Variants in BAIAP2 observed in about 807,000 individuals in gnomAD.
BAIAP2 encodes the protein BAR/IMD domain containing adaptor protein 2.
In BAIAP2, 18 loss-of-function variants were observed where a neutral mutation model predicts 63.0. That is an observed-to-expected ratio of 0.29 (90% CI 0.20 to 0.42). The LOEUF (loss-of-function observed/expected upper bound fraction) is 0.42. Ranked by LOEUF, BAIAP2 falls within the 10% of genes least tolerant of loss-of-function variation. BAIAP2 has a pLI of 1.00. For synonymous variants in BAIAP2, 386 were observed against 307.6 expected, an observed-to-expected ratio of 1.25 and a Z score of -2.67; for missense variants, 610 against 734.3, an observed-to-expected ratio of 0.83 and a Z score of 1.96.
At chr17:81,088,043 A>G (rs193024571) in intron 6 of BAIAP2, among the ~76,000 whole-genome samples, 25 of 152,042 alleles carry the variant, frequency 1.6e-4, no homozygotes, top group African/African-American at 5.3e-4. Flanking sequence ...AGAAATAGGT[A>G]TATGTTGGTA....
At chr17:81,038,376 C>T (rs754307493) in intron 1 of BAIAP2, among the ~76,000 whole-genome samples, 2 of 152,234 alleles carry the variant, frequency 1.3e-5, no homozygotes, top group Non-Finnish European at 2.9e-5. Flanking sequence ...CCAGGTGACC[C>T]ATGACCTGGA....
At chr17:81,050,837 G>A (rs8067235) in intron 1 of BAIAP2, among the ~76,000 whole-genome samples, 44,100 of 148,654 alleles carry the variant, frequency 0.3, 6,752 homozygotes, top group Non-Finnish European at 0.34. Flanking sequence ...ACTAGAGTCG[G>A]CCGCATCCTC....
At chr17:81,067,763 G>A (rs1321138751) in intron 3 of BAIAP2, among the ~76,000 whole-genome samples, 3 of 152,218 alleles carry the variant, frequency 2.0e-5, no homozygotes, top group African/African-American at 7.2e-5. Flanking sequence ...GAGCGCTCAC[G>A]CCACAGCGTC....
chr17:81,103,372 C>A, intron 7 of BAIAP2, 130 bp from the exon 8 acceptor site: 1 of 886,374 alleles, frequency 1.1e-6, no homozygotes. Context: ...CCTGTCTCGC[C>A]GAGAGGTACC....
chr17:81,101,757 G>A (rs1209358591), intron 7 of BAIAP2, among the ~76,000 whole-genome samples: 1 of 152,238 alleles, frequency 6.6e-6, no homozygotes, highest in Non-Finnish European at 1.5e-5. Context: ...TGGGCCTGCT[G>A]GGCACTGTGG....
chr17:81,096,014 G>A (rs2057557719), intron 6 of BAIAP2, among the ~76,000 whole-genome samples: 1 of 152,108 alleles, frequency 6.6e-6, no homozygotes, highest in African/African-American at 2.4e-5. Context: ...AGCTCCAGGG[G>A]CCTTAGTTTG....
chr17:81,076,451 C>G (rs916106265), intron 3 of BAIAP2: 1 of 152,166 alleles, frequency 6.6e-6, no homozygotes, highest in Non-Finnish European at 1.5e-5. Flanking sequence ...CTCTGCTCCC[C>G]GGGGCTGTGC....
intron 11 of BAIAP2, 132 bp downstream of exon 11, chr17:81,106,278 G>GT: frequency 3.1e-6 from 3 of 971,422 alleles, no homozygotes; most frequent in Non-Finnish European, 3.1e-6. Context: ...GCCATCCCCA[G>GT]TGGCCCTGAG....
chr17:81,069,300 C>G (rs567036695), intron 3 of BAIAP2, among the ~76,000 whole-genome samples: 1 of 152,220 alleles, frequency 6.6e-6, no homozygotes. Context: ...AGACTGAACA[C>G]GTGCACACAC....
At chr17:81,107,093 C>A (rs561696159) in intron 12 of BAIAP2, 186 bp downstream of exon 12, 2 of 689,276 alleles carry the variant, frequency 2.9e-6, no homozygotes, top group Middle Eastern at 4.2e-4. Flanking sequence ...TCAGGCTGCC[C>A]GCCTCGCCGC....
At chr17:81,095,854 C>T (rs1325076864) in intron 6 of BAIAP2, among the ~76,000 whole-genome samples, 2 of 152,130 alleles carry the variant, frequency 1.3e-5, no homozygotes, top group African/African-American at 4.8e-5. Context: ...AATAAAACAC[C>T]AACTCTCTTC....
intron 3 of BAIAP2, among the ~76,000 whole-genome samples, chr17:81,069,510 A>G (rs936591875): frequency 6.6e-6 from 1 of 152,120 alleles, no homozygotes; most frequent in South Asian, 2.1e-4. Flanking sequence ...CGCTCATGCC[A>G]TGGGACTCTG....
rs1212480305 is a variant in BAIAP2, at chr17:81,108,572, A to AGGTCCCTCTGCTAGGACCTGGGGCC, written c.1535+64_1535+88dup. 5.6e-6 allele frequency: 9 copies of AGGTCCCTCTGCTAGGACCTGGGGCC among 1,599,598 alleles called. No individual in the cohort carries two copies. In the East Asian group the frequency reaches 8.9e-5, roughly 16 times the overall value. On this transcript the variant is annotated intron_variant, in intron 13 of 13. Coordinates refer to ENST00000428708, the MANE Select transcript of BAIAP2 (RefSeq NM_001144888.2). ...TGGGTGTGAAGAGGCCGGGTGGGGC[A>AGGTCCCTCTGCTAGGACCTGGGGCC]GGTCCCTCTGCTAGGACCTGGGGCC... is the stretch of plus-strand genomic sequence containing the variant.
chr17:81,083,372 G>C (rs1479338979), intron 3 of BAIAP2: 3 of 152,290 alleles, frequency 2.0e-5, no homozygotes, highest in African/African-American at 7.2e-5. Flanking sequence ...AGCAGCAGGG[G>C]CGGCCCTCCT....
intron 13 of BAIAP2, 111 bp from the exon 14 acceptor site, chr17:81,115,659 G>C (rs531017603): frequency 1.5e-6 from 2 of 1,290,662 alleles, no homozygotes; most frequent in Non-Finnish European, 1.1e-6. Flanking sequence ...CCCTGAGATC[G>C]GACCGTAGGC....
At position 81,077,088 on chromosome 17, in the gene BAIAP2, G is replaced by A. The variant is rs184576482; in HGVS notation, c.218-7744G>A. 1.7e-3 allele frequency among the ~76,000 whole-genome samples: 255 copies of A among 152,342 alleles called. 1 individual carries two copies. Among genetic ancestry groups the A allele is most frequent in the African/African-American group, 5.9e-3 (244 of 41,594 alleles). ...CATGTGTGATTGCAGTGATTGAAGT[G>A]TTGGGAATAGGCCGCTCCACAGAGA... On this transcript the variant is annotated intron_variant, in intron 3 of 13. Transcript: ENST00000428708.
intron 3 of BAIAP2, among the ~76,000 whole-genome samples, chr17:81,064,323 G>A (rs1368968350): frequency 1.3e-5 from 2 of 151,998 alleles, no homozygotes; most frequent in African/African-American, 2.4e-5. Context: ...CCCTCACGGG[G>A]AGGTCCTGTC....
chr17:81,074,750 C>CTG (rs1161434485), intron 3 of BAIAP2, among the ~76,000 whole-genome samples: 1 of 150,950 alleles, frequency 6.6e-6, no homozygotes, highest in African/African-American at 2.4e-5. Context: ...GTGTGAGTGC[C>CTG]TGTGTGTGTG....
chr17:81,100,118 C>A (rs746458593), intron 7 of BAIAP2, 38 bp downstream of exon 7: 2 of 1,578,584 alleles, frequency 1.3e-6, no homozygotes, highest in South Asian at 1.1e-5. Flanking sequence ...CGGCGCTGGG[C>A]CTTGCTGGCA....
Sources: allele counts gnomAD v4.1 joint callset (sites outside exome capture counted in the v4.1 genomes callset), GRCh38; gene constraint gnomAD v4.1.1; transcripts MANE v1.5; gene names NCBI Gene and HGNC (gene_info 2026-07-23, HGNC 2026-07-21).